Variants in PANK1 observed in about 807,000 individuals in gnomAD.
PANK1 encodes pantothenic acid kinase 1.
In PANK1, 18 loss-of-function variants were observed where a neutral mutation model predicts 40.1. That is an observed-to-expected ratio of 0.45 (90% CI 0.31 to 0.67). The LOEUF is 0.67. Among genes scored for constraint, PANK1 ranks in the 30% least tolerant of loss-of-function variants. The pLI, the probability that PANK1 is intolerant of heterozygous loss-of-function variation, is 0.06. For synonymous variants in PANK1, 242 were observed against 237.7 expected (o/e 1.02, Z -0.17); for missense variants, 457 against 599.6 (o/e 0.76, Z 2.48).
chr10:89,602,195 C>G (rs981507829), intron 2 of PANK1, among the ~76,000 whole-genome samples: 2 of 152,200 alleles, frequency 1.3e-5, no homozygotes, highest in Non-Finnish European at 2.9e-5. Context: ...CCTGCTGGAC[C>G]TCCTGAAACT....
At position 89,584,341 on chromosome 10, in the gene PANK1, C is replaced by T; in HGVS notation, c.*65G>A. ...GCTTCCGTCCCAAAGCGACTTTCAC[C>T]TTCTCCAGCAGCAATTTTTTAGTTC... On this transcript the variant is annotated 3_prime_UTR_variant, in exon 7 of 7. Transcript: ENST00000307534. 2.8e-6 allele frequency: 3 copies of T among 1,065,894 alleles called. No individual in the cohort carries two copies. The highest frequency in any genetic ancestry group is 4.4e-6 in the Non-Finnish European group (3 of 685,510). The allele number at this position is 1,065,894 out of a possible 1,614,324, so 66.0% of individuals were successfully genotyped here. A position where few individuals can be genotyped will look rare whatever the true frequency, so the allele number is the denominator to read the frequency against.
chr10:89,640,609 A>G (rs1841941899), intron 1 of PANK1, among the ~76,000 whole-genome samples: 1 of 152,226 alleles, frequency 6.6e-6, no homozygotes, highest in Non-Finnish European at 1.5e-5. Context: ...TTAAACCTAA[A>G]GCATATGTAG....
intron 1 of PANK1, among the ~76,000 whole-genome samples, chr10:89,617,458 GAA>G (rs1845354558): frequency 6.6e-6 from 1 of 152,140 alleles, no homozygotes; most frequent in Non-Finnish European, 1.5e-5. Context: ...AAGGTGTAAT[GAA>G]AAAAGAGAGA....
chr10:89,591,809 A>T (rs1844396707), intron 5 of PANK1, among the ~76,000 whole-genome samples: 1 of 152,228 alleles, frequency 6.6e-6, no homozygotes, highest in African/African-American at 2.4e-5. Flanking sequence ...AAGTAAAGTC[A>T]GTTGCTCTCT....
chr10:89,614,188 G>A (rs1157727703), intron 1 of PANK1, among the ~76,000 whole-genome samples: 1 of 152,152 alleles, frequency 6.6e-6, no homozygotes, highest in Non-Finnish European at 1.5e-5. Context: ...TCATCAGAGA[G>A]GCGAAGATGC....
At chr10:89,589,939 C>T (rs1265540024) in intron 5 of PANK1, among the ~76,000 whole-genome samples, 1 of 150,348 alleles carries the variant, frequency 6.7e-6, no homozygotes, top group Non-Finnish European at 1.5e-5. Flanking sequence ...CCTGCATTAC[C>T]CTAATAGAAA....
chr10:89,641,904 G>A (rs1034655434), intron 1 of PANK1, among the ~76,000 whole-genome samples: 1 of 152,126 alleles, frequency 6.6e-6, no homozygotes, highest in African/African-American at 2.4e-5. Flanking sequence ...AATTCTGAAG[G>A]TACAGGAAAC....
At chr10:89,599,200 C>A in intron 3 of PANK1, 52 bp downstream of exon 3, 1 of 1,535,964 alleles carries the variant, frequency 6.5e-7, no homozygotes, top group Non-Finnish European at 8.8e-7. Flanking sequence ...TTACTATAAA[C>A]TGGTCATCAA....
At chr10:89,610,789 C>T (rs1317053085) in intron 2 of PANK1, among the ~76,000 whole-genome samples, 4 of 152,158 alleles carry the variant, frequency 2.6e-5, no homozygotes, top group African/African-American at 9.7e-5. Flanking sequence ...TAAAACTAAT[C>T]CTAAAATCTC....
In PANK1 at chr10:89,604,865, T is replaced by C. The variant is rs530265088; in HGVS notation, c.646-5360A>G. Among the ~76,000 whole-genome samples, 194 of 151,972 alleles carry C rather than the reference T, an allele frequency of 1.3e-3. 2 individuals are homozygous for C. The highest frequency in any genetic ancestry group is 4.3e-3 in the African/African-American group (177 of 41,482). On this transcript the variant is annotated intron_variant, in intron 2 of 6. Coordinates refer to ENST00000307534, the MANE Select transcript of PANK1 (RefSeq NM_148977.3). ...TCCCAGGTTCATGCCATTCTCCTGC[T>C]TCAGCCTCCCGAGTAGCTGGGACTA... is the stretch of plus-strand genomic sequence containing the variant.
intron 1 of PANK1, chr10:89,643,700 G>C (rs1300436846): frequency 6.2e-7 from 1 of 1,611,516 alleles, no homozygotes; most frequent in Admixed American, 1.7e-5. Context: ...TACTTACTTT[G>C]CTTTTTGCCA....
At position 89,645,067 on chromosome 10, in the gene PANK1, ACCTC is replaced by A. The variant is rs1157022365; in HGVS notation, c.-180_-177del. 3 of 1,552,102 alleles carry A rather than the reference ACCTC, an allele frequency of 1.9e-6. 1 individual carries two copies. The Admixed American group carries it at 5.8e-5, about 30-fold the overall frequency. On this transcript the variant is annotated 5_prime_UTR_variant, in exon 1 of 7. Coordinates refer to ENST00000307534, the MANE Select transcript of PANK1 (RefSeq NM_148977.3). ...CTCCCCTCCTCCTGCCGACTCCCCC[ACCTC>A]CTCTGCGCCCTGCCCCCCGCGCGCC...
At chr10:89,609,575 G>T (rs749672444) in intron 2 of PANK1, among the ~76,000 whole-genome samples, 1 of 152,186 alleles carries the variant, frequency 6.6e-6, no homozygotes, top group Non-Finnish European at 1.5e-5. Context: ...CATCAAATGG[G>T]CTATAGGAAA....
At position 89,645,117 on chromosome 10, in the gene PANK1, G is replaced by A. The variant is rs1186991407; in HGVS notation, c.-226C>T. 3 of 1,494,166 alleles carry A rather than the reference G, an allele frequency of 2.0e-6. No individual in the cohort carries two copies. Among genetic ancestry groups the A allele is most frequent in the Non-Finnish European group, 8.9e-7 (1 of 1,126,634 alleles). 92.6% of individuals were successfully genotyped at this position (1,494,166 alleles called of 1,614,324 possible). A position where few individuals can be genotyped will look rare whatever the true frequency, so the allele number is the denominator to read the frequency against. On this transcript the variant is annotated 5_prime_UTR_variant, in exon 1 of 7. Transcript: ENST00000307534. Reference sequence around the variant, plus strand: ...GCGCCGGCCCCACGGCGCCGGCCTGGAGCACGCCAGCCCCGGGCGCGGAAT... The same window carrying A: ...GCGCCGGCCCCACGGCGCCGGCCTGAAGCACGCCAGCCCCGGGCGCGGAAT...
chr10:89,631,052 T>C (rs1485072140), intron 1 of PANK1, among the ~76,000 whole-genome samples: 2 of 152,144 alleles, frequency 1.3e-5, no homozygotes. Context: ...ACAACACATA[T>C]CCATGAATGA....
chr10:89,643,931 A>G, intron 1 of PANK1: 1 of 1,201,966 alleles, frequency 8.3e-7, no homozygotes, highest in Non-Finnish European at 1.1e-6. Flanking sequence ...CCTCAACTCA[A>G]CCTCCCCCTT....
chr10:89,615,210 C>T (rs11185792), intron 1 of PANK1, among the ~76,000 whole-genome samples: 1 of 152,054 alleles, frequency 6.6e-6, no homozygotes, highest in Admixed American at 6.5e-5. Context: ...CACAACAAGA[C>T]CCAAACAAGC....
intron 1 of PANK1, among the ~76,000 whole-genome samples, chr10:89,635,141 TATAG>T (rs1243164584): frequency 6.7e-4 from 99 of 148,862 alleles, no homozygotes; most frequent in African/African-American, 2.3e-3. Flanking sequence ...TATATATATA[TATAG>T]AGAGAGAGAG....
At chr10:89,603,664 T>C (rs1191484991) in intron 2 of PANK1, among the ~76,000 whole-genome samples, 4 of 152,180 alleles carry the variant, frequency 2.6e-5, no homozygotes, top group East Asian at 1.9e-4. Flanking sequence ...ACTAGCAATG[T>C]TATTTCTAAT....
Sources: gnomAD v4.1 joint callset for allele counts (sites outside exome capture counted in the v4.1 genomes callset) on GRCh38, gnomAD v4.1.1 for gene constraint, MANE v1.5 for transcripts, NCBI Gene and HGNC (gene_info 2026-07-23, HGNC 2026-07-21) for gene names.